Variants in RUNX3 observed in about 807,000 individuals in gnomAD.
The protein encoded by RUNX3 is runt-related transcription factor 3.
A neutral mutation model predicts 27.7 loss-of-function variants in RUNX3; 10 were observed. The observed-to-expected ratio is 0.36, with a 90% CI of 0.22 to 0.61. RUNX3 has a LOEUF of 0.61. Among genes scored for constraint, RUNX3 ranks in the 20% least tolerant of loss-of-function variants. The pLI, the probability that RUNX3 is intolerant of heterozygous loss-of-function variation, is 0.72. For missense variants in RUNX3, 469 were observed against 629.5 expected, an observed-to-expected ratio of 0.75 and a Z score of 2.73; for synonymous variants, 270 against 269.2, an observed-to-expected ratio of 1.00 and a Z score of -0.03.
At chr1:24,911,065 G>A (rs576981074) in intron 3 of RUNX3, among the ~76,000 whole-genome samples, 19 of 152,362 alleles carry the variant, frequency 1.2e-4, no homozygotes, top group African/African-American at 3.8e-4. Flanking sequence ...ACAGGCCTTG[G>A]AGGAAATGTT....
chr1:24,946,872 C>T (rs1298121188), intron 2 of RUNX3, among the ~76,000 whole-genome samples: 1 of 152,232 alleles, frequency 6.6e-6, no homozygotes, highest in Non-Finnish European at 1.5e-5. Context: ...GCCTTGTCTA[C>T]ACCCAAGGCC....
Position 24,904,981 on chromosome 1 carries a change from T to C in RUNX3, c.703+2278A>G, listed in dbSNP as rs1640636568. On this transcript the variant is annotated intron_variant, in intron 4 of 4. Coordinates refer to ENST00000308873, the MANE Select transcript of RUNX3 (RefSeq NM_004350.3). This position sits in a 1 kb window ranked among gnomAD's most constrained non-coding sequence, Gnocchi z 5.7. The stretch of plus-strand genomic sequence containing the variant: ...TCTCCAGATTGTCCGGGCTGCTGCA[T>C]GGTGGCTGAATGAGCCCTTTCAGCT... Among the ~76,000 whole-genome samples the C allele has an allele frequency of 6.6e-6, 1 of 152,178 alleles. No individual in the cohort carries two copies.
chr1:24,930,207 C>G lies in RUNX3; in HGVS notation c.-339G>C. On this transcript the variant is annotated 5_prime_UTR_variant, in exon 1 of 5. Transcript: ENST00000308873. This position sits in a 1 kb window ranked among gnomAD's most constrained non-coding sequence, Gnocchi z 4.1. ...GTGCCGCTGCCGCCGCCTCCCGCCC[C>G]GAAGCTCGCCCGCGGCCGCCCCGAC... 2.0e-6 allele frequency: 2 copies of G among 981,606 alleles called. No individual in the cohort carries two copies. The highest frequency in any genetic ancestry group is 1.2e-6 in the Non-Finnish European group (1 of 828,422). 60.8% of individuals were successfully genotyped at this position (981,606 alleles called of 1,614,324 possible). A position where few individuals can be genotyped will look rare whatever the true frequency, so the allele number is the denominator to read the frequency against.
intron 3 of RUNX3, among the ~76,000 whole-genome samples, chr1:24,910,144 C>T (rs369068695): frequency 2.6e-5 from 4 of 152,184 alleles, no homozygotes; most frequent in African/African-American, 9.6e-5. Flanking sequence ...CAAAAATTAG[C>T]CGGGCGTGGT....
chr1:24,941,930 T>A (rs1490642116), intron 2 of RUNX3, among the ~76,000 whole-genome samples: 1 of 152,158 alleles, frequency 6.6e-6, no homozygotes, highest in African/African-American at 2.4e-5. Flanking sequence ...TTGGCATAAG[T>A]TTCCACTGGC....
rs1486684840 is a variant in RUNX3, at chr1:24,927,845, G to A, written c.283-115C>T. ...CTCCCCCAGGTCCCAGGCACACTGA[G>A]TATTTCTCCAATGCAGGGTGGAGAA... On this transcript the variant is annotated intron_variant, in intron 1 of 4. Transcript: ENST00000308873. This position sits in a 1 kb window ranked among gnomAD's most constrained non-coding sequence, Gnocchi z 5.0. The A allele has an allele frequency of 1.2e-6, 1 of 854,566 alleles. No homozygotes were observed. Among genetic ancestry groups the A allele is most frequent in the South Asian group, 1.5e-5 (1 of 64,790 alleles). The allele number at this position is 854,566 out of a possible 1,614,324, so 52.9% of individuals were successfully genotyped here.
At chr1:24,926,006 C>T (rs1459032737) in intron 2 of RUNX3, among the ~76,000 whole-genome samples, 5 of 152,196 alleles carry the variant, frequency 3.3e-5, no homozygotes. Context: ...ATCGTCGTCT[C>T]TTCTCTTTCT....
upstream of RUNX3, among the ~76,000 whole-genome samples, chr1:24,934,433 G>C (rs917481453): frequency 6.6e-6 from 1 of 152,196 alleles, no homozygotes; most frequent in African/African-American, 2.4e-5. Flanking sequence ...GGGAGAGCAG[G>C]GTGGTGAGGG....
In RUNX3 at chr1:24,901,984, C is replaced by A. The variant is rs1640561778; in HGVS notation, c.*138G>T. ...GCACAGATGCAGCCAGAGGCTCCCACCAGCTGGGACCACCCTGGGACCGAG... is the reference window on the plus strand; with the variant it reads ...GCACAGATGCAGCCAGAGGCTCCCAACAGCTGGGACCACCCTGGGACCGAG... On this transcript the variant is annotated 3_prime_UTR_variant, in exon 5 of 5. Coordinates refer to ENST00000308873, the MANE Select transcript of RUNX3 (RefSeq NM_004350.3). 1 of 781,708 alleles carries A rather than the reference C, an allele frequency of 1.3e-6. No individual in the cohort carries two copies. Among genetic ancestry groups the A allele is most frequent in the Non-Finnish European group, 2.0e-6 (1 of 503,844 alleles). 48.4% of individuals were successfully genotyped at this position (781,708 alleles called of 1,614,324 possible).
chr1:24,944,892 T>C (rs1258197382), intron 2 of RUNX3, among the ~76,000 whole-genome samples: 2 of 152,230 alleles, frequency 1.3e-5, no homozygotes, highest in African/African-American at 4.8e-5. Flanking sequence ...TCCCTGGAAC[T>C]GTAAGATTAT....
Position 24,940,467 on chromosome 1 carries a change from AATT to A in RUNX3, c.59-10618_59-10616del, listed in dbSNP as rs555623626. ...CCTCATCTATGAAATGGGGAGAACA[AATT>A]ATTTCCAAGAGCTCCAGCAAGTCAC... is the stretch of plus-strand genomic sequence containing the variant. On this transcript the variant is annotated intron_variant, in intron 2 of 6. Transcript: ENST00000338888. 4.6e-5 allele frequency among the ~76,000 whole-genome samples: 7 copies of A among 152,288 alleles called. No individual in the cohort carries two copies. The South Asian group carries it at 8.3e-4, about 18-fold the overall frequency.
At chr1:24,951,398 C>A (rs185843146) in intron 2 of RUNX3, among the ~76,000 whole-genome samples, 38 of 152,158 alleles carry the variant, frequency 2.5e-4, no homozygotes, top group African/African-American at 8.9e-4. Context: ...AGAAGACCAC[C>A]ACACCTCAAG....
intron 2 of RUNX3, among the ~76,000 whole-genome samples, chr1:24,924,628 C>T (rs973090909): frequency 3.0e-4 from 46 of 152,256 alleles, no homozygotes; most frequent in Middle Eastern, 3.4e-3. Context: ...GGAGGGCATT[C>T]GTCCACCTCA....
intron 3 of RUNX3, 38 bp downstream of exon 3, chr1:24,919,202 C>A (rs1446404007): frequency 3.0e-6 from 4 of 1,338,980 alleles, no homozygotes; most frequent in Non-Finnish European, 4.2e-6. Context: ...GGACCCTCCT[C>A]CCCCGCGCAG....
chr1:24,938,429 C>T (rs368163262), intron 2 of RUNX3, among the ~76,000 whole-genome samples: 1 of 152,196 alleles, frequency 6.6e-6, no homozygotes, highest in African/African-American at 2.4e-5. Context: ...GTGGACTTGA[C>T]TCTGAGGCTC....
chr1:24,907,509 G>A (rs1228220939), intron 3 of RUNX3, 92 bp from the exon 4 acceptor site: 2 of 1,358,212 alleles, frequency 1.5e-6, no homozygotes, highest in Admixed American at 4.5e-5. Context: ...TCTTCCTGAG[G>A]TCTGACCTTA....
Position 24,916,374 on chromosome 1 carries a change from T to C in RUNX3, c.544+2866A>G, listed in dbSNP as rs1640889193. On this transcript the variant is annotated intron_variant, in intron 3 of 4. Transcript: ENST00000308873. This position sits in a 1 kb window ranked among gnomAD's most constrained non-coding sequence, Gnocchi z 4.8. ...ACTGAGGTGAAAAGGCCCTTCCAAG[T>C]GGCCCTCACTTCCCGCAGCCCCCGG... Among the ~76,000 whole-genome samples, 1 of 152,048 alleles carries C rather than the reference T, an allele frequency of 6.6e-6. No individual in the cohort carries two copies.
In RUNX3 at chr1:24,919,224, G is replaced by A; in HGVS notation, c.544+16C>T. On this transcript the variant is annotated intron_variant, in intron 3 of 4. Coordinates refer to ENST00000308873, the MANE Select transcript of RUNX3 (RefSeq NM_004350.3). ...CCTCCCCCGCGCAGGGGCTCAGGGGGCTCGGTGGCACTTACGTCTGGGCTC... is the reference window on the plus strand; with the variant it reads ...CCTCCCCCGCGCAGGGGCTCAGGGGACTCGGTGGCACTTACGTCTGGGCTC... The A allele has an allele frequency of 6.5e-7, 1 of 1,543,834 alleles. No homozygotes were observed. Among genetic ancestry groups the A allele is most frequent in the African/African-American group, 1.4e-5 (1 of 71,740 alleles).
rs192280480 is a variant in RUNX3, at chr1:24,908,497, A to G, written c.545-1080T>C. On this transcript the variant is annotated intron_variant, in intron 3 of 4. Transcript: ENST00000308873. ...CCCTGTCTGTACAAAAATTAAAAAA[A>G]AAAAAGAAAAAAGAAAAACTTAGCC... is the stretch of plus-strand genomic sequence containing the variant. Among the ~76,000 whole-genome samples, 730 of 152,212 alleles carry G rather than the reference A, an allele frequency of 4.8e-3. 6 individuals carry two copies. Among genetic ancestry groups the G allele is most frequent in the African/African-American group, 0.016 (658 of 41,538 alleles).
Sources: gnomAD v4.1 joint callset for allele counts (sites outside exome capture counted in the v4.1 genomes callset) on GRCh38, gnomAD v4.1.1 for gene constraint, Gnocchi (gnomAD v3.1) non-coding constraint, MANE v1.5 for transcripts, NCBI Gene and HGNC (gene_info 2026-07-23, HGNC 2026-07-21) for gene names.